The following BCAS3 variants were observed in gnomAD, a reference collection of about 807,000 sequenced individuals.
BCAS3 encodes BCAS4/BCAS3 fusion.
BCAS3 carries 53 observed loss-of-function variants against 116.1 expected under a neutral mutation model. That is an observed-to-expected ratio of 0.46 (90% CI 0.37 to 0.57). BCAS3 has a LOEUF of 0.57. Among genes scored for constraint, BCAS3 ranks in the 20% least tolerant of loss-of-function variants. BCAS3 has a pLI of 0.00. For synonymous variants in BCAS3, 391 were observed against 408.2 expected (o/e 0.96, Z 0.51); for missense variants, 917 against 1,165.4 (o/e 0.79, Z 3.10).
chr17:61,149,519 A>G (rs2077431124), intron 22 of BCAS3, among the ~76,000 whole-genome samples: 1 of 152,208 alleles, frequency 6.6e-6, no homozygotes, highest in African/African-American at 2.4e-5. Flanking sequence ...TTTGGTTCTT[A>G]GCATTAATTT....
chr17:61,030,934 T>C (rs2066589576), intron 16 of BCAS3, among the ~76,000 whole-genome samples: 1 of 152,012 alleles, frequency 6.6e-6, no homozygotes, highest in South Asian at 2.1e-4. Flanking sequence ...GAGTATGTCT[T>C]GTTCTCATGT....
At chr17:61,194,022 C>G (rs1240028360) in intron 22 of BCAS3, among the ~76,000 whole-genome samples, 1 of 151,794 alleles carries the variant, frequency 6.6e-6, no homozygotes, top group African/African-American at 2.4e-5. Context: ...GAGGCTGAGG[C>G]AGGAGAGTCA....
intron 7 of BCAS3, among the ~76,000 whole-genome samples, chr17:60,830,438 A>T (rs562735182): frequency 5.9e-4 from 90 of 152,208 alleles, no homozygotes; most frequent in Non-Finnish European, 9.1e-4. Flanking sequence ...GAAGGGGAAA[A>T]ATGGGACAAA....
chr17:61,114,132 A>C (rs887446303), intron 22 of BCAS3, among the ~76,000 whole-genome samples: 1 of 141,528 alleles, frequency 7.1e-6, no homozygotes, highest in African/African-American at 2.6e-5. Flanking sequence ...AGCCAATATC[A>C]TACTGAATGG....
At chr17:60,831,204 C>A (rs889280992) in intron 7 of BCAS3, among the ~76,000 whole-genome samples, 1 of 151,232 alleles carries the variant, frequency 6.6e-6, no homozygotes, top group African/African-American at 2.4e-5. Context: ...TGAGACCCAG[C>A]CTCATTCTGT....
intron 11 of BCAS3, among the ~76,000 whole-genome samples, chr17:60,909,343 A>C (rs1463598475): frequency 6.6e-6 from 1 of 152,168 alleles, no homozygotes; most frequent in Non-Finnish European, 1.5e-5. Context: ...AAAATTTGAA[A>C]TACCATGTAT....
rs187292064 is a variant in BCAS3, at chr17:61,085,425, A to C, written c.2425+861A>C. ...GAGACTGCTGATTTGATTGAGGCTT[A>C]AACTGTGAAAGAAAATGGAAACAAA... On this transcript the variant is annotated intron_variant, in intron 22 of 23. Transcript: ENST00000407086. Among the ~76,000 whole-genome samples the C allele has an allele frequency of 1.4e-3, 210 of 152,348 alleles. 1 individual carries two copies. The highest frequency in any genetic ancestry group is 4.8e-3 in the African/African-American group (201 of 41,576).
intron 13 of BCAS3, among the ~76,000 whole-genome samples, chr17:60,942,989 A>G (rs1191788772): frequency 1.3e-5 from 2 of 152,148 alleles, no homozygotes; most frequent in Non-Finnish European, 2.9e-5. Context: ...ATATAAAGAG[A>G]TATAGCTCAA....
In BCAS3 at chr17:61,355,685, G is replaced by A. The variant is rs1413989437; in HGVS notation, c.2426-12642G>A. Among the ~76,000 whole-genome samples, 1 of 152,182 alleles carries A rather than the reference G, an allele frequency of 6.6e-6. No homozygotes were observed. On this transcript the variant is annotated intron_variant, in intron 22 of 23. Coordinates refer to ENST00000407086, the MANE Select transcript of BCAS3 (RefSeq NM_017679.5). The surrounding 1 kb of genome is among the most constrained non-coding windows in gnomAD (Gnocchi z 4.2). ...ATTGGGATGATTTCAGTGCAATAGT[G>A]TGTATAAAGTAGCTATGCCTGATGC...
At position 61,032,909 on chromosome 17, in the gene BCAS3, A is replaced by G. The variant is rs1354601794; in HGVS notation, c.1638-1757A>G. On this transcript the variant is annotated intron_variant, in intron 16 of 23. Transcript: ENST00000407086. This position sits in a 1 kb window ranked among gnomAD's most constrained non-coding sequence, Gnocchi z 4.6. ...GTTTCTTTCATATATAGTAATATGC[A>G]TTACCATGGATTTTGTTCAAAGTGG... 6.6e-6 allele frequency among the ~76,000 whole-genome samples: 1 copy of G among 152,174 alleles called. No individual in the cohort carries two copies. The highest frequency in any genetic ancestry group is 2.4e-5 in the African/African-American group (1 of 41,460).
At chr17:60,854,280 T>G (rs1309801961) in intron 7 of BCAS3, among the ~76,000 whole-genome samples, 1 of 152,216 alleles carries the variant, frequency 6.6e-6, no homozygotes, top group African/African-American at 2.4e-5. Flanking sequence ...TGCCACATTT[T>G]CTCAATCCAG....
intron 13 of BCAS3, among the ~76,000 whole-genome samples, chr17:60,938,187 C>T (rs1245310597): frequency 6.6e-6 from 1 of 152,118 alleles, no homozygotes; most frequent in African/African-American, 2.4e-5. Flanking sequence ...AGCCACTGCA[C>T]CCGGCCAAAA....
At position 61,145,572 on chromosome 17, in the gene BCAS3, T is replaced by C. The variant is rs1039387298; in HGVS notation, c.2425+61008T>C. On this transcript the variant is annotated intron_variant, in intron 22 of 23. Transcript: ENST00000407086. The surrounding 1 kb of genome is among the most constrained non-coding windows in gnomAD (Gnocchi z 5.0). ...CATTTCCAACCATCTTGCTGATCTGTGCAGGAGTTCATTGAACTGTACAGC... is the reference window on the plus strand; with the variant it reads ...CATTTCCAACCATCTTGCTGATCTGCGCAGGAGTTCATTGAACTGTACAGC... Among the ~76,000 whole-genome samples the C allele has an allele frequency of 6.6e-5, 10 of 152,186 alleles. No homozygotes were observed. Among genetic ancestry groups the C allele is most frequent in the African/African-American group, 2.2e-4 (9 of 41,438 alleles).
intron 14 of BCAS3, among the ~76,000 whole-genome samples, chr17:60,987,334 G>A (rs1477678219): frequency 6.6e-6 from 1 of 150,430 alleles, no homozygotes; most frequent in Non-Finnish European, 1.5e-5. Flanking sequence ...GTCTTTTGTG[G>A]CTCTATATAC....
chr17:60,928,326 G>A (rs2059468383), intron 13 of BCAS3, among the ~76,000 whole-genome samples: 1 of 152,184 alleles, frequency 6.6e-6, no homozygotes, highest in African/African-American at 2.4e-5. Flanking sequence ...TAATGATTCA[G>A]TGCCTGGCAC....
intron 14 of BCAS3, among the ~76,000 whole-genome samples, chr17:60,948,889 T>TC (rs2060674468): frequency 6.6e-6 from 1 of 152,038 alleles, no homozygotes; most frequent in Middle Eastern, 3.4e-3. Context: ...TTTTTTTTTT[T>TC]CCCTCAAGAT....
intron 5 of BCAS3, among the ~76,000 whole-genome samples, chr17:60,740,985 C>T (rs1863059147): frequency 6.6e-6 from 1 of 152,084 alleles, no homozygotes; most frequent in Non-Finnish European, 1.5e-5. Context: ...TCTGGGTTCC[C>T]CTGGAATTTT....
At position 61,026,812 on chromosome 17, in the gene BCAS3, G is replaced by A; in HGVS notation, c.1638-7854G>A. On this transcript the variant is annotated intron_variant, in intron 16 of 23. Coordinates refer to ENST00000407086, the MANE Select transcript of BCAS3 (RefSeq NM_017679.5). The surrounding 1 kb of genome is among the most constrained non-coding windows in gnomAD (Gnocchi z 5.0). ...GTATGATATACTTGTATTTGCTAATGTTAAATGAGTTTTTCTCTAATTTTT... is the reference window on the plus strand; with the variant it reads ...GTATGATATACTTGTATTTGCTAATATTAAATGAGTTTTTCTCTAATTTTT... 1.3e-6 allele frequency: 2 copies of A among 1,493,482 alleles called. No homozygotes were observed. The highest frequency in any genetic ancestry group is 1.8e-6 in the Non-Finnish European group (2 of 1,090,334). 92.5% of individuals were successfully genotyped at this position (1,493,482 alleles called of 1,614,324 possible).
intron 14 of BCAS3, among the ~76,000 whole-genome samples, chr17:60,982,483 CT>C (rs1568031840): frequency 6.6e-6 from 1 of 151,960 alleles, no homozygotes; most frequent in Admixed American, 6.5e-5. Context: ...CTATTGAATT[CT>C]TTAAAGTACC....
Sources: gnomAD v4.1 joint callset for allele counts (sites outside exome capture counted in the v4.1 genomes callset) on GRCh38, gnomAD v4.1.1 for gene constraint, Gnocchi (gnomAD v3.1) non-coding constraint, MANE v1.5 for transcripts, NCBI Gene and HGNC (gene_info 2026-07-23, HGNC 2026-07-21) for gene names.